The following MARCHF4 variants were observed in gnomAD, a reference collection of about 807,000 sequenced individuals.
MARCHF4 encodes membrane associated ring-CH-type finger 4.
A neutral mutation model predicts 43.9 loss-of-function variants in MARCHF4; 14 were observed. The observed-to-expected ratio is 0.32, with a 90% confidence interval of 0.21 to 0.50. The LOEUF is 0.50. MARCHF4 is among the 20% of genes least tolerant of loss of function. The pLI, the probability that MARCHF4 is intolerant of heterozygous loss-of-function variation, is 0.98. For missense variants in MARCHF4, 468 were observed against 536.7 expected, an observed-to-expected ratio of 0.87 and a Z score of 1.27; for synonymous variants, 226 against 213.3, an observed-to-expected ratio of 1.06 and a Z score of -0.52.
intron 1 of MARCHF4, among the ~76,000 whole-genome samples, chr2:216,338,077 A>G (rs1453593336): frequency 6.6e-6 from 1 of 152,208 alleles, no homozygotes; most frequent in Non-Finnish European, 1.5e-5. Flanking sequence ...AGGAGGGAAC[A>G]TGATGAGCCC....
chr2:216,350,473 C>T (rs1326850193), intron 1 of MARCHF4, among the ~76,000 whole-genome samples: 1 of 151,766 alleles, frequency 6.6e-6, no homozygotes, highest in East Asian at 1.9e-4. Context: ...TTACCCACAC[C>T]ATCATGTGAG....
chr2:216,368,081 C>G (rs955795817), intron 1 of MARCHF4, among the ~76,000 whole-genome samples: 3 of 152,184 alleles, frequency 2.0e-5, no homozygotes, highest in Admixed American at 6.5e-5. Flanking sequence ...TTTCTAGAGA[C>G]AAGAATGCTC....
intron 1 of MARCHF4, among the ~76,000 whole-genome samples, chr2:216,313,138 TC>T (rs1010976717): frequency 2.6e-5 from 4 of 152,242 alleles, no homozygotes; most frequent in African/African-American, 9.6e-5. Flanking sequence ...GAATAGGGTG[TC>T]CTTTCCCCAT....
intron 1 of MARCHF4, among the ~76,000 whole-genome samples, chr2:216,348,404 T>C (rs1692353599): frequency 1.3e-5 from 2 of 152,110 alleles, no homozygotes; most frequent in Admixed American, 1.3e-4. Context: ...CATAAAGACC[T>C]TGCTGATAAA....
At chr2:216,274,075 G>A (rs1338991965) in intron 3 of MARCHF4, among the ~76,000 whole-genome samples, 1 of 152,228 alleles carries the variant, frequency 6.6e-6, no homozygotes, top group East Asian at 1.9e-4. Context: ...CCTGCTGGGA[G>A]CCTGTGGCTT....
At chr2:216,273,734 G>A (rs182733142) in intron 3 of MARCHF4, among the ~76,000 whole-genome samples, 90 of 152,280 alleles carry the variant, frequency 5.9e-4, no homozygotes, top group African/African-American at 2.0e-3. Context: ...GATGCCTCCC[G>A]TGGCTCCTGC....
At chr2:216,313,676 G>C (rs1358219287) in intron 1 of MARCHF4, among the ~76,000 whole-genome samples, 2 of 152,122 alleles carry the variant, frequency 1.3e-5, no homozygotes, top group African/African-American at 2.4e-5. Context: ...ACAACTATTA[G>C]ACATGATCCC....
At chr2:216,359,517 G>T (rs1331653244) in intron 1 of MARCHF4, among the ~76,000 whole-genome samples, 1 of 152,144 alleles carries the variant, frequency 6.6e-6, no homozygotes, top group African/African-American at 2.4e-5. Context: ...CCCACCAGGA[G>T]GTTGCCTCAA....
At chr2:216,331,207 A>G (rs1692077175) in intron 1 of MARCHF4, among the ~76,000 whole-genome samples, 1 of 152,148 alleles carries the variant, frequency 6.6e-6, no homozygotes, top group African/African-American at 2.4e-5. Context: ...AGACACTAAG[A>G]AGTTAATAGA....
At position 216,341,074 on chromosome 2, in the gene MARCHF4, G is replaced by T. The variant is rs926856548; in HGVS notation, c.516+28671C>A. 5.9e-5 allele frequency among the ~76,000 whole-genome samples: 9 copies of T among 152,258 alleles called. No individual in the cohort carries two copies. In the East Asian group the frequency reaches 1.7e-3, roughly 29 times the overall value. ...CCCCAGCGTTTACCCTCTCTGAGTG[G>T]CTGGGCCCCAGGAAAGCAGTCACTG... On this transcript the variant is annotated intron_variant, in intron 1 of 3. Coordinates refer to ENST00000273067, the MANE Select transcript of MARCHF4 (RefSeq NM_020814.3).
intron 3 of MARCHF4, among the ~76,000 whole-genome samples, chr2:216,272,103 T>G (rs1690947897): frequency 6.6e-6 from 1 of 151,952 alleles, no homozygotes; most frequent in African/African-American, 2.4e-5. Context: ...ATCCTCCCAG[T>G]TTGGCCTCCC....
At chr2:216,310,627 G>T (rs34314552) in intron 1 of MARCHF4, among the ~76,000 whole-genome samples, 41,693 of 152,006 alleles carry the variant, frequency 0.27, 6,876 homozygotes, top group Non-Finnish European at 0.36. Flanking sequence ...CCTCTCTTCT[G>T]GGGTGATGCA....
chr2:216,370,091 G>C lies in MARCHF4; in HGVS notation c.170C>G (p.Pro57Arg). The C allele has an allele frequency of 6.3e-7, 1 of 1,583,242 alleles. No individual in the cohort carries two copies. The highest frequency in any genetic ancestry group is 1.1e-5 in the South Asian group (1 of 87,144). The change falls in exon 1 of 4, where the codon CCT (proline) becomes CGT (arginine). Residue 57 changes from proline (P) to arginine (R), a missense_variant. Pro to Arg is a moderately radical substitution (Grantham distance 103, BLOSUM62 -2). Coordinates refer to ENST00000273067, the MANE Select transcript of MARCHF4 (RefSeq NM_020814.3). ...GTGCATGGGCAGGGGCGCTTGAGGAGGGCGCCGCAGTAAGAAAACCTTCAG... is the reference window on the plus strand; with the variant it reads ...GTGCATGGGCAGGGGCGCTTGAGGACGGCGCCGCAGTAAGAAAACCTTCAG... Reference protein sequence around the residue: ...NDLKVFLLRRPPQAPLPMHGD... With the variant: ...NDLKVFLLRRRPQAPLPMHGD...
chr2:216,274,843 G>A (rs976594043), intron 3 of MARCHF4, among the ~76,000 whole-genome samples: 22 of 152,098 alleles, frequency 1.4e-4, no homozygotes, highest in African/African-American at 3.4e-4. Context: ...CCTTGCCCCC[G>A]CAGTCATGCT....
intron 3 of MARCHF4, among the ~76,000 whole-genome samples, chr2:216,265,232 A>G (rs1433824275): frequency 6.6e-6 from 1 of 152,216 alleles, no homozygotes; most frequent in Non-Finnish European, 1.5e-5. Context: ...GTTTTGATTA[A>G]GTCCTTTCTG....
intron 1 of MARCHF4, among the ~76,000 whole-genome samples, chr2:216,340,983 G>T (rs1178564841): frequency 6.6e-6 from 1 of 152,094 alleles, no homozygotes; most frequent in Non-Finnish European, 1.5e-5. Context: ...AAATGTCCAG[G>T]TTGTGAACTA....
chr2:216,359,720 T>G (rs1016588361), intron 1 of MARCHF4, among the ~76,000 whole-genome samples: 3 of 152,224 alleles, frequency 2.0e-5, no homozygotes, highest in African/African-American at 7.2e-5. Context: ...ACTGTGTGCC[T>G]TTCACGCTGA....
intron 1 of MARCHF4, among the ~76,000 whole-genome samples, chr2:216,354,567 A>G (rs879610850): frequency 6.6e-6 from 1 of 152,014 alleles, no homozygotes; most frequent in Non-Finnish European, 1.5e-5. Flanking sequence ...TTATCTCTGC[A>G]CTCCTGGGGC....
chr2:216,276,315 A>G (rs1186246996), intron 3 of MARCHF4, among the ~76,000 whole-genome samples: 1 of 151,592 alleles, frequency 6.6e-6, no homozygotes, highest in African/African-American at 2.4e-5. Context: ...AGGAGTAGGA[A>G]GGGAGTTTGG....
Sources: gnomAD v4.1 joint callset for allele counts (sites outside exome capture counted in the v4.1 genomes callset) on GRCh38, gnomAD v4.1.1 for gene constraint, MANE v1.5 for transcripts, NCBI Gene and HGNC (gene_info 2026-07-23, HGNC 2026-07-21) for gene names.